Variants in FRMPD4 observed in about 807,000 individuals in gnomAD.
The protein encoded by FRMPD4 is FERM and PDZ domain containing 4, also known as FERM and PDZ domain-containing protein 4.
A neutral mutation model predicts 94.1 loss-of-function variants in FRMPD4; 22 were observed. That is an observed-to-expected ratio of 0.23 (90% CI 0.17 to 0.33). The LOEUF is 0.33. Ranked by LOEUF, FRMPD4 falls within the 10% of genes least tolerant of loss-of-function variation. The pLI is 1.00. For missense variants in FRMPD4, 1,111 were observed against 1,339.9 expected (o/e 0.83, Z 2.67); for synonymous variants, 631 against 548.6 (o/e 1.15, Z -2.10).
intron 1 of FRMPD4, among the ~76,000 whole-genome samples, chrX:12,188,033 T>G (rs1255729780): frequency 8.9e-6 from 1 of 111,792 alleles, no homozygotes; most frequent in Non-Finnish European, 1.9e-5. Context: ...GTTACATTCC[T>G]GTATTCAGTC....
At chrX:12,547,502 T>C (rs909356601) in intron 2 of FRMPD4, among the ~76,000 whole-genome samples, 9 of 112,241 alleles carry the variant, frequency 8.0e-5, no homozygotes, top group African/African-American at 2.6e-4. Flanking sequence ...AATCGTCTCA[T>C]TGGAACATAG....
chrX:12,477,023 C>T (rs1397264179), intron 1 of FRMPD4, among the ~76,000 whole-genome samples: 1 of 111,568 alleles, frequency 9.0e-6, no homozygotes, highest in Non-Finnish European at 1.9e-5. Flanking sequence ...TATTGTGGCA[C>T]TATTCACAAT....
intron 3 of FRMPD4, among the ~76,000 whole-genome samples, chrX:11,926,258 CAAAAAAAAAA>C (rs763084115): frequency 3.3e-5 from 1 of 30,712 alleles, no homozygotes; most frequent in Non-Finnish European, 5.5e-5. Context: ...GCTTACCAAC[CAAAAAAAAAA>C]AAAAAAAAAA....
intron 2 of FRMPD4, among the ~76,000 whole-genome samples, chrX:12,527,072 A>G (rs769083384): frequency 4.5e-4 from 50 of 112,279 alleles, no homozygotes; most frequent in Admixed American, 6.6e-4. Context: ...CAAATTATGG[A>G]AAGCTGGAAA....
chrX:12,411,451 G>A (rs1218085204), intron 1 of FRMPD4, among the ~76,000 whole-genome samples: 3 of 112,054 alleles, frequency 2.7e-5, no homozygotes, highest in Admixed American at 1.9e-4. Context: ...TCTTTTGGAA[G>A]ACAATTTAAA....
At chrX:12,303,317 G>T (rs1278002751) in intron 1 of FRMPD4, among the ~76,000 whole-genome samples, 1 of 111,871 alleles carries the variant, frequency 8.9e-6, no homozygotes, top group African/African-American at 3.2e-5. Flanking sequence ...GAAATAAGAT[G>T]AAATTTTGAT....
rs781111160 is a variant in FRMPD4, at chrX:12,640,217, T to C, written c.422+25336T>C. 1.1e-4 allele frequency among the ~76,000 whole-genome samples: 11 copies of C among 98,665 alleles called. No individual in the cohort carries two copies. In the Admixed American group the frequency reaches 1.3e-3, roughly 12 times the overall value. 85.7% of individuals were successfully genotyped at this position (98,665 alleles called of 115,157 possible). ...CGGAGGCTGAGGCACGAGAATTGCT[T>C]GAACCCAGGAGGTGGAAGTTGCAGT... On this transcript the variant is annotated intron_variant, in intron 4 of 16. Coordinates refer to ENST00000675598, the MANE Select transcript of FRMPD4 (RefSeq NM_001368397.1).
At chrX:12,343,868 G>A (rs948475675) in intron 1 of FRMPD4, among the ~76,000 whole-genome samples, 1 of 111,705 alleles carries the variant, frequency 9.0e-6, no homozygotes, top group African/African-American at 3.3e-5. Context: ...CCTGAAAGTA[G>A]GTTTTCCCTT....
At chrX:12,174,748 C>T (rs2056272430) in intron 1 of FRMPD4, among the ~76,000 whole-genome samples, 1 of 111,974 alleles carries the variant, frequency 8.9e-6, no homozygotes, top group East Asian at 2.8e-4. Flanking sequence ...CTGATGTCCA[C>T]CAGAATTTGA....
intron 2 of FRMPD4, among the ~76,000 whole-genome samples, chrX:12,565,541 T>G (rs1170935042): frequency 9.0e-6 from 1 of 111,620 alleles, no homozygotes; most frequent in Non-Finnish European, 1.9e-5. Context: ...CCAACCCAAT[T>G]TGAGAGATAG....
At chrX:12,720,453 C>T (rs946665807) in intron 16 of FRMPD4, 81 bp from the exon 17 acceptor site, 5 of 1,000,172 alleles carry the variant, frequency 5.0e-6, no homozygotes, top group Non-Finnish European at 7.1e-6. Context: ...AAATGACAGA[C>T]ATCATGTAGA....
chrX:12,100,762 T>C (rs1235294983), intron 3 of FRMPD4, among the ~76,000 whole-genome samples: 1 of 111,812 alleles, frequency 8.9e-6, no homozygotes, highest in Non-Finnish European at 1.9e-5. Context: ...ATGGAGAGCA[T>C]TTGTAAGGGA....
chrX:12,331,224 GTT>G (rs780886973), intron 1 of FRMPD4, among the ~76,000 whole-genome samples: 12 of 87,268 alleles, frequency 1.4e-4, no homozygotes, highest in African/African-American at 2.8e-4. Context: ...TCGGGATTTC[GTT>G]TTTTTTTTTT....
chrX:12,419,214 C>T (rs758759455), intron 1 of FRMPD4, among the ~76,000 whole-genome samples: 3 of 111,551 alleles, frequency 2.7e-5, no homozygotes, highest in African/African-American at 6.5e-5. Flanking sequence ...TACATCACCT[C>T]CTCCCCCTTG....
intron 1 of FRMPD4, among the ~76,000 whole-genome samples, chrX:12,263,358 C>G (rs1361124103): frequency 9.0e-6 from 1 of 111,378 alleles, no homozygotes; most frequent in Non-Finnish European, 1.9e-5. Flanking sequence ...TGCAAGCAGA[C>G]AAATGTGGCT....
At position 12,536,668 on chromosome X, in the gene FRMPD4, G is replaced by A. The variant is rs749906049; in HGVS notation, c.158+37872G>A. Among the ~76,000 whole-genome samples the A allele has an allele frequency of 2.4e-4, 27 of 111,759 alleles. 1 individual carries two copies. In the South Asian group the frequency reaches 9.0e-3, roughly 37 times the overall value. On this transcript the variant is annotated intron_variant, in intron 2 of 16. Coordinates refer to ENST00000675598, the MANE Select transcript of FRMPD4 (RefSeq NM_001368397.1). Reference sequence around the variant, plus strand: ...ACAGCAGAACAGTTCTGTGTGTTTCGGAAAGAAGGATTGTTTAGTAGGAGA... The same window carrying A: ...ACAGCAGAACAGTTCTGTGTGTTTCAGAAAGAAGGATTGTTTAGTAGGAGA...
chrX:12,680,523 G>C (rs146483320), intron 5 of FRMPD4, among the ~76,000 whole-genome samples: 3 of 112,231 alleles, frequency 2.7e-5, no homozygotes, highest in Non-Finnish European at 5.6e-5. Context: ...TTCAGACTTG[G>C]AGAGCCTATG....
intron 1 of FRMPD4, among the ~76,000 whole-genome samples, chrX:12,265,910 C>T (rs1017642084): frequency 2.7e-5 from 3 of 109,176 alleles, no homozygotes; most frequent in Admixed American, 1.9e-4. Flanking sequence ...GGGCGGATCA[C>T]GAGGTCAGGA....
At chrX:12,369,220 T>A (rs1264418348) in intron 1 of FRMPD4, among the ~76,000 whole-genome samples, 6 of 110,364 alleles carry the variant, frequency 5.4e-5, no homozygotes, top group Non-Finnish European at 1.1e-4. Context: ...TTTAATTTTT[T>A]AAAATTAAAA....
Sources: allele counts gnomAD v4.1 joint callset (sites outside exome capture counted in the v4.1 genomes callset), GRCh38; gene constraint gnomAD v4.1.1; transcripts MANE v1.5; gene names NCBI Gene and HGNC (gene_info 2026-07-23, HGNC 2026-07-21).